The following WARS2 variants were observed in gnomAD, a reference collection of about 807,000 sequenced individuals.
The protein encoded by WARS2 is tryptophanyl tRNA synthetase 2, mitochondrial, also known as tryptophan--tRNA ligase, mitochondrial.
Under a neutral mutation model 36.5 loss-of-function variants are expected in WARS2, and 28 were observed. The ratio of observed to expected loss-of-function variants is 0.77; its 90% CI spans 0.57 to 1.05. WARS2 has a LOEUF of 1.05. Among genes scored for constraint, WARS2 ranks in the 50% least tolerant of loss-of-function variants. WARS2 has a pLI of 0.00. For synonymous variants in WARS2, 174 were observed against 178.4 expected, an observed-to-expected ratio of 0.98 and a Z score of 0.20; for missense variants, 435 against 456.8, an observed-to-expected ratio of 0.95 and a Z score of 0.44.
chr1:119,102,119 C>T (rs587666052), intron 1 of WARS2, among the ~76,000 whole-genome samples: 1 of 152,230 alleles, frequency 6.6e-6, no homozygotes, highest in Non-Finnish European at 1.5e-5. Context: ...ATACCAGATC[C>T]TCATTCATTC....
chr1:119,131,148 C>A (rs1354335450), intron 1 of WARS2, among the ~76,000 whole-genome samples: 2 of 152,082 alleles, frequency 1.3e-5, no homozygotes, highest in African/African-American at 4.8e-5. Context: ...AGCTTAAGAA[C>A]AAAGTTTTTG....
chr1:119,132,529 C>A (rs1484380820), intron 1 of WARS2, among the ~76,000 whole-genome samples: 1 of 152,162 alleles, frequency 6.6e-6, no homozygotes, highest in Non-Finnish European at 1.5e-5. Context: ...CTGCTCAGAC[C>A]ATTCTCCCCA....
chr1:119,061,613 A>G (rs1650387716), intron 2 of WARS2, among the ~76,000 whole-genome samples: 1 of 152,172 alleles, frequency 6.6e-6, no homozygotes, highest in Non-Finnish European at 1.5e-5. Context: ...CTTAGGGAGA[A>G]ACTAATTCCT....
intron 2 of WARS2, among the ~76,000 whole-genome samples, chr1:119,060,782 A>G (rs2361271): frequency 0.33 from 49,518 of 152,058 alleles, 9,498 homozygotes; most frequent in African/African-American, 0.54. Context: ...GCATCTAAAT[A>G]TGATAGAAAC....
At position 119,033,086 on chromosome 1, in the gene WARS2, T is replaced by C; in HGVS notation, c.908A>G (p.Lys303Arg). 2 of 1,614,246 alleles carry C rather than the reference T, an allele frequency of 1.2e-6. No homozygotes were observed. Among genetic ancestry groups the C allele is most frequent in the Non-Finnish European group, 1.7e-6 (2 of 1,180,044 alleles). Reference protein sequence around the residue: ...RSAGMNTARYKLAVADAVIEK... With the variant: ...RSAGMNTARYRLAVADAVIEK... ...AATCACAGCATCTGCCACGGCCAGC[T>C]TGTAGCGAGCAGTGTTCATGCCCGC... The change falls in exon 6 of 6, where the codon AAG becomes AGG. Residue 303 changes from lysine (K) to arginine (R), a missense_variant. Coordinates refer to ENST00000235521, the MANE Select transcript of WARS2 (RefSeq NM_015836.4).
At chr1:119,053,718 A>G (rs915830680) in intron 2 of WARS2, among the ~76,000 whole-genome samples, 1 of 152,208 alleles carries the variant, frequency 6.6e-6, no homozygotes, top group Non-Finnish European at 1.5e-5. Context: ...TGCAAATCAT[A>G]TGTCTGGCAA....
intron 1 of WARS2, among the ~76,000 whole-genome samples, chr1:119,091,826 T>A (rs1571345791): frequency 2.0e-5 from 3 of 152,190 alleles, no homozygotes; most frequent in Non-Finnish European, 4.4e-5. Context: ...TTCCCCAATG[T>A]GTCGGCCTGG....
At chr1:119,071,711 G>A (rs1651330238) in intron 2 of WARS2, among the ~76,000 whole-genome samples, 3 of 152,304 alleles carry the variant, frequency 2.0e-5, no homozygotes, top group Middle Eastern at 3.4e-3. Flanking sequence ...CACAAAAAAA[G>A]TTAGACGAGA....
chr1:119,121,972 A>G (rs1049382309), intron 1 of WARS2, among the ~76,000 whole-genome samples: 9 of 152,300 alleles, frequency 5.9e-5, no homozygotes, highest in Admixed American at 5.9e-4. Context: ...TCTCCTAGAT[A>G]CTGGCCTAGG....
chr1:119,130,381 T>C (rs772638902), intron 1 of WARS2, among the ~76,000 whole-genome samples: 90 of 152,284 alleles, frequency 5.9e-4, no homozygotes, highest in Non-Finnish European at 7.5e-4. Context: ...AACCTCAGTA[T>C]AATATAAAGA....
chr1:119,042,739 C>G (rs1648477119), intron 3 of WARS2, among the ~76,000 whole-genome samples: 1 of 151,998 alleles, frequency 6.6e-6, no homozygotes, highest in African/African-American at 2.4e-5. Context: ...ATATCAAAAG[C>G]CCTATTGTTT....
intron 2 of WARS2, among the ~76,000 whole-genome samples, chr1:119,061,971 T>C (rs1228722575): frequency 6.6e-6 from 1 of 152,198 alleles, no homozygotes; most frequent in Admixed American, 6.5e-5. Context: ...TAGTTTAGGC[T>C]TTCCTGAGTA....
At chr1:119,120,519 T>C (rs1013598538) in intron 1 of WARS2, among the ~76,000 whole-genome samples, 1 of 151,896 alleles carries the variant, frequency 6.6e-6, no homozygotes, top group African/African-American at 2.4e-5. Context: ...TTGCAAAAGA[T>C]AAAGATGGAA....
chr1:119,136,113 A>T (rs1216292603), intron 1 of WARS2, among the ~76,000 whole-genome samples: 1 of 152,020 alleles, frequency 6.6e-6, no homozygotes, highest in Non-Finnish European at 1.5e-5. Context: ...TTGTATAAAA[A>T]ATATATATTT....
intron 1 of WARS2, among the ~76,000 whole-genome samples, chr1:119,103,776 C>A (rs930086980): frequency 6.6e-6 from 1 of 151,756 alleles, no homozygotes; most frequent in Non-Finnish European, 1.5e-5. Flanking sequence ...TTATCTATAA[C>A]TTTATTTAAA....
intron 1 of WARS2, among the ~76,000 whole-genome samples, chr1:119,126,237 A>C (rs1224301808): frequency 1.3e-5 from 2 of 149,492 alleles, no homozygotes; most frequent in Non-Finnish European, 3.0e-5. Flanking sequence ...CTCATTCTTC[A>C]CTTATACCCC....
chr1:119,040,584 C>G (rs1008465254), intron 4 of WARS2, among the ~76,000 whole-genome samples: 17 of 152,180 alleles, frequency 1.1e-4, no homozygotes, highest in African/African-American at 4.1e-4. Context: ...GTAGTTGGAA[C>G]TTCAGGCATG....
At chr1:119,084,165 A>C (rs1283237394) in intron 1 of WARS2, among the ~76,000 whole-genome samples, 2 of 122,942 alleles carry the variant, frequency 1.6e-5, no homozygotes, top group African/African-American at 3.2e-5. Context: ...AGACGCACAC[A>C]CAACTACGTC....
chr1:119,089,553 G>T (rs1039298907), intron 1 of WARS2, among the ~76,000 whole-genome samples: 2 of 152,138 alleles, frequency 1.3e-5, no homozygotes, highest in African/African-American at 4.8e-5. Flanking sequence ...CTATCTCAGA[G>T]GGTGGTTCGG....
Sources: allele counts gnomAD v4.1 joint callset (sites outside exome capture counted in the v4.1 genomes callset), GRCh38; gene constraint gnomAD v4.1.1; transcripts MANE v1.5; gene names NCBI Gene and HGNC (gene_info 2026-07-23, HGNC 2026-07-21).